The following LRBA variants were observed in gnomAD, a reference collection of about 807,000 sequenced individuals.
LRBA encodes the protein lipopolysaccharide-responsive and beige-like anchor protein.
A neutral mutation model predicts 330.0 loss-of-function variants in LRBA; 176 were observed. That is an observed-to-expected ratio of 0.53 (90% CI 0.47 to 0.60). The LOEUF (loss-of-function observed/expected upper bound fraction) is 0.60. Ranked by LOEUF, LRBA falls within the 20% of genes least tolerant of loss-of-function variation. The pLI, the probability that LRBA is intolerant of heterozygous loss-of-function variation, is 0.00. For missense variants in LRBA, 3,259 were observed against 3,444.8 expected (o/e 0.95, Z 1.35); for synonymous variants, 1,230 against 1,193.0 (o/e 1.03, Z -0.64).
chr4:150,801,448 ATC>A (rs1436175329), intron 33 of LRBA, among the ~76,000 whole-genome samples: 1 of 152,260 alleles, frequency 6.6e-6, no homozygotes, highest in African/African-American at 2.4e-5. Context: ...GAGGACAGAC[ATC>A]TTCTTTGCTT....
intron 48 of LRBA, among the ~76,000 whole-genome samples, chr4:150,343,364 T>C (rs1735848173): frequency 6.6e-6 from 1 of 152,238 alleles, no homozygotes; most frequent in African/African-American, 2.4e-5. Flanking sequence ...CTTGTTATAA[T>C]TGAAATTACA....
chr4:150,422,748 T>G, intron 46 of LRBA: 1 of 1,172,372 alleles, frequency 8.5e-7, no homozygotes, highest in South Asian at 1.3e-5. Context: ...AAAGGGCTTC[T>G]TCATGACCTG....
intron 46 of LRBA, 108 bp downstream of exon 46, chr4:150,435,481 G>A (rs1403421454): frequency 3.1e-6 from 3 of 976,228 alleles, no homozygotes; most frequent in Non-Finnish European, 4.5e-6. Context: ...TATCTTCTGA[G>A]ATTTATCTTT....
intron 2 of LRBA, among the ~76,000 whole-genome samples, chr4:151,003,885 CTG>C (rs56025404): frequency 0.21 from 28,705 of 133,726 alleles, 2,980 homozygotes; most frequent in Admixed American, 0.25. Context: ...TAGCCAACTG[CTG>C]TGTGTGTGTG....
intron 50 of LRBA, among the ~76,000 whole-genome samples, chr4:150,317,925 C>T (rs1032211671): frequency 6.6e-6 from 1 of 152,094 alleles, no homozygotes; most frequent in Admixed American, 6.6e-5. Flanking sequence ...TGGTTTCAAC[C>T]TAAGTACAGA....
At chr4:150,998,472 C>T (rs532992566) in intron 2 of LRBA, among the ~76,000 whole-genome samples, 2 of 152,150 alleles carry the variant, frequency 1.3e-5, no homozygotes, top group South Asian at 4.2e-4. Context: ...TGCCACCTCA[C>T]CATCTCCAGT....
rs145324519 is a variant in LRBA, at chr4:150,673,783, T to C, written c.5921+9768A>G. ...AACTTAGTATTAACAATTCATGTGG[T>C]TGGTTTTTAATCCGGGTCCAATCAT... On this transcript the variant is annotated intron_variant, in intron 37 of 56. Transcript: ENST00000651943. Among the ~76,000 whole-genome samples, 178 of 152,366 alleles carry C rather than the reference T, an allele frequency of 1.2e-3. 1 individual carries two copies. Among genetic ancestry groups the C allele is most frequent in the African/African-American group, 4.0e-3 (165 of 41,600 alleles).
intron 34 of LRBA, among the ~76,000 whole-genome samples, chr4:150,766,619 G>A (rs1363885283): frequency 3.3e-5 from 5 of 152,240 alleles, no homozygotes; most frequent in African/African-American, 1.2e-4. Flanking sequence ...ATAACCCTTA[G>A]TGAGTTTTAA....
intron 2 of LRBA, among the ~76,000 whole-genome samples, chr4:150,993,758 C>A (rs1040570008): frequency 6.6e-6 from 1 of 152,112 alleles, no homozygotes; most frequent in African/African-American, 2.4e-5. Flanking sequence ...TTCACTACCA[C>A]GAGAACAGTA....
intron 35 of LRBA, among the ~76,000 whole-genome samples, chr4:150,756,766 T>C (rs1282567438): frequency 6.6e-6 from 1 of 152,188 alleles, no homozygotes; most frequent in Non-Finnish European, 1.5e-5. Context: ...GTAATAACTG[T>C]ACATTATTTT....
intron 38 of LRBA, among the ~76,000 whole-genome samples, chr4:150,595,391 C>T (rs891499296): frequency 2.0e-5 from 3 of 151,834 alleles, no homozygotes; most frequent in Admixed American, 6.6e-5. Flanking sequence ...GACAATGGCA[C>T]GATTTAAGAT....
In LRBA at chr4:150,828,407, G is replaced by A; in HGVS notation, c.4944C>T (p.Val1648=). 1 of 1,614,082 alleles carries A rather than the reference G, an allele frequency of 6.2e-7. No individual in the cohort carries two copies. The highest frequency in any genetic ancestry group is 8.5e-7 in the Non-Finnish European group (1 of 1,179,988). The change falls in exon 30 of 57, where the codon GTC becomes GTT. Residue 1648 remains valine (V), a synonymous_variant. Coordinates refer to ENST00000651943, the MANE Select transcript of LRBA (RefSeq NM_001364905.1). ...CATTTTTGGTTTCCGGAGACTTATT[G>A]ACTTCTAAAGAAAGAGTAGATAGCA... ...SEVLSTLSLE[V]NKSPETKNDR...
chr4:150,574,990 C>T (rs1042165875), intron 40 of LRBA, among the ~76,000 whole-genome samples: 3 of 151,942 alleles, frequency 2.0e-5, no homozygotes, highest in Non-Finnish European at 4.4e-5. Context: ...TGGATCTAAA[C>T]GTACTAACCT....
chr4:150,698,310 G>T (rs1561528486), intron 36 of LRBA, among the ~76,000 whole-genome samples: 1 of 152,192 alleles, frequency 6.6e-6, no homozygotes, highest in African/African-American at 2.4e-5. Flanking sequence ...TTGGTCTATG[G>T]TTAAGATAAC....
chr4:150,978,041 T>C (rs997371404), intron 2 of LRBA, among the ~76,000 whole-genome samples: 1 of 152,116 alleles, frequency 6.6e-6, no homozygotes, highest in Non-Finnish European at 1.5e-5. Context: ...TGAGTGAATA[T>C]AGAGAGTAGC....
intron 52 of LRBA, among the ~76,000 whole-genome samples, chr4:150,305,128 C>T (rs906223878): frequency 6.6e-6 from 1 of 152,000 alleles, no homozygotes; most frequent in African/African-American, 2.4e-5. Context: ...TTGAGGTAGA[C>T]GACATAGAGG....
At chr4:150,753,659 T>C (rs949000641) in intron 35 of LRBA, among the ~76,000 whole-genome samples, 1 of 152,172 alleles carries the variant, frequency 6.6e-6, no homozygotes, top group African/African-American at 2.4e-5. Context: ...AAATCCTATT[T>C]AGCAAAACAT....
intron 52 of LRBA, among the ~76,000 whole-genome samples, chr4:150,308,465 G>A (rs970334792): frequency 2.6e-5 from 4 of 152,194 alleles, no homozygotes; most frequent in African/African-American, 4.8e-5. Context: ...TCTGTTACTG[G>A]TTTATGTACT....
intron 37 of LRBA, among the ~76,000 whole-genome samples, chr4:150,600,883 T>C (rs1323604332): frequency 6.6e-6 from 1 of 152,206 alleles, no homozygotes; most frequent in African/African-American, 2.4e-5. Context: ...GGAGCTTGGA[T>C]AGGCACTTCA....
Sources: gnomAD v4.1 joint callset for allele counts (sites outside exome capture counted in the v4.1 genomes callset) on GRCh38, gnomAD v4.1.1 for gene constraint, MANE v1.5 for transcripts, NCBI Gene and HGNC (gene_info 2026-07-23, HGNC 2026-07-21) for gene names.